The following COL10A1 variants were observed in gnomAD, a reference collection of about 807,000 sequenced individuals.
COL10A1 encodes the protein collagen alpha-1(X) chain.
A neutral mutation model predicts 18.2 loss-of-function variants in COL10A1; 10 were observed. The ratio of observed to expected loss-of-function variants is 0.55; its 90% CI spans 0.34 to 0.93. COL10A1 has a LOEUF of 0.93. Ranked by LOEUF, COL10A1 falls within the 40% of genes least tolerant of loss-of-function variation. The pLI is 0.02. For synonymous variants in COL10A1, 330 were observed against 316.6 expected, an observed-to-expected ratio of 1.04 and a Z score of -0.45; for missense variants, 897 against 853.5, an observed-to-expected ratio of 1.05 and a Z score of -0.64.
At chr6:116,215,978 AT>A in the COL10A1 span, among the ~76,000 whole-genome samples, 1 of 152,088 alleles carries the variant, frequency 6.6e-6, no homozygotes, top group African/African-American at 2.4e-5. Flanking sequence ...TGTTCGAATA[AT>A]TTTTCTTTCA....
intron 1 of COL10A1, among the ~76,000 whole-genome samples, chr6:116,135,656 A>G (rs1282773589): frequency 6.6e-6 from 1 of 151,406 alleles, no homozygotes; most frequent in Non-Finnish European, 1.5e-5. Flanking sequence ...TTCAACTAAC[A>G]AACATTTTTT....
chr6:116,126,664 T>G (rs1327965887), upstream of COL10A1, among the ~76,000 whole-genome samples: 2 of 152,214 alleles, frequency 1.3e-5, no homozygotes, highest in Non-Finnish European at 2.9e-5. Context: ...TTTAGATCCC[T>G]TATTCACAAC....
At chr6:116,194,246 A>G in the COL10A1 span, among the ~76,000 whole-genome samples, 3 of 152,120 alleles carry the variant, frequency 2.0e-5, no homozygotes, top group African/African-American at 7.2e-5. Flanking sequence ...ATGTTCTTTC[A>G]AATGACGGAG....
At chr6:116,180,816 G>A in the COL10A1 span, among the ~76,000 whole-genome samples, 1 of 152,150 alleles carries the variant, frequency 6.6e-6, no homozygotes, top group East Asian at 1.9e-4. Flanking sequence ...AGAACTGTAG[G>A]TTAGAGGACA....
At chr6:116,140,943 T>G (rs1008630350) in intron 1 of COL10A1, among the ~76,000 whole-genome samples, 1 of 152,170 alleles carries the variant, frequency 6.6e-6, no homozygotes, top group African/African-American at 2.4e-5. Flanking sequence ...GTTTCCTGGC[T>G]GCATGCAAAA....
the COL10A1 span, among the ~76,000 whole-genome samples, chr6:116,208,505 T>C: frequency 1.3e-5 from 2 of 152,084 alleles, no homozygotes; most frequent in African/African-American, 4.8e-5. Flanking sequence ...AACATTCCTA[T>C]TTCTTGCACA....
At chr6:116,172,985 T>C in the COL10A1 span, among the ~76,000 whole-genome samples, 1 of 152,186 alleles carries the variant, frequency 6.6e-6, no homozygotes, top group South Asian at 2.1e-4. Flanking sequence ...GATATCTTAA[T>C]TTTTTTACAT....
the COL10A1 span, among the ~76,000 whole-genome samples, chr6:116,184,890 T>C: frequency 2.6e-5 from 4 of 152,168 alleles, no homozygotes; most frequent in South Asian, 8.3e-4. Context: ...TTTGCTCTGA[T>C]CTTGATTATT....
the COL10A1 span, among the ~76,000 whole-genome samples, chr6:116,178,100 C>A: frequency 9.7e-6 from 1 of 102,962 alleles, no homozygotes. Context: ...CGCGCGCGCG[C>A]GCGTGCGTGC....
At chr6:116,137,664 A>G (rs1779645183) in intron 1 of COL10A1, 1 of 183,328 alleles carries the variant, frequency 5.5e-6, no homozygotes, top group Non-Finnish European at 1.2e-5. Context: ...AGCCATCAAC[A>G]GACACTTAGA....
upstream of COL10A1, among the ~76,000 whole-genome samples, chr6:116,161,150 A>G (rs369436507): frequency 2.2e-5 from 3 of 137,840 alleles, no homozygotes; most frequent in Admixed American, 1.7e-4. Context: ...ATGAGAACAC[A>G]TGGACACAGG....
chr6:116,176,300 A>G, the COL10A1 span, among the ~76,000 whole-genome samples: 2 of 152,112 alleles, frequency 1.3e-5, no homozygotes, highest in Non-Finnish European at 2.9e-5. Flanking sequence ...GTATAGCACC[A>G]CACTCTTGCT....
intron 1 of COL10A1, among the ~76,000 whole-genome samples, chr6:116,144,437 G>T (rs1779845095): frequency 6.8e-6 from 1 of 147,542 alleles, no homozygotes; most frequent in Non-Finnish European, 1.5e-5. Flanking sequence ...GGAGGCAGAG[G>T]TTGCAGTGAG....
the COL10A1 span, among the ~76,000 whole-genome samples, chr6:116,180,469 T>G: frequency 2.6e-5 from 4 of 152,110 alleles, no homozygotes; most frequent in African/African-American, 9.7e-5. Flanking sequence ...CATTAATGAC[T>G]GCTAAAACTG....
intron 1 of COL10A1, among the ~76,000 whole-genome samples, chr6:116,138,197 G>A (rs1266995420): frequency 2.6e-5 from 4 of 152,238 alleles, no homozygotes; most frequent in East Asian, 1.9e-4. Context: ...TAGCAGCCCC[G>A]TGAAGTAGGT....
intron 1 of COL10A1, among the ~76,000 whole-genome samples, chr6:116,153,476 A>G (rs942757891): frequency 6.6e-6 from 1 of 152,156 alleles, no homozygotes; most frequent in African/African-American, 2.4e-5. Context: ...ATAATAGAAG[A>G]TAATATGCCA....
intron 2 of COL10A1, among the ~76,000 whole-genome samples, chr6:116,122,346 A>G (rs1256705959): frequency 6.6e-6 from 1 of 152,192 alleles, no homozygotes; most frequent in Non-Finnish European, 1.5e-5. Flanking sequence ...AAGAACTATA[A>G]AAATTTTCCC....
At chr6:116,130,788 C>T (rs1433358119), upstream of COL10A1, among the ~76,000 whole-genome samples, 1 of 152,052 alleles carries the variant, frequency 6.6e-6, no homozygotes, top group Non-Finnish European at 1.5e-5. Flanking sequence ...AACCCTAGTA[C>T]TCATGCCAGT....
chr6:116,142,995 A>G (rs1779802870), intron 1 of COL10A1, among the ~76,000 whole-genome samples: 1 of 152,166 alleles, frequency 6.6e-6, no homozygotes, highest in South Asian at 2.1e-4. Flanking sequence ...AATTATAGAC[A>G]TTATGGTTTG....
Sources: gnomAD v4.1 joint callset for allele counts (sites outside exome capture counted in the v4.1 genomes callset) on GRCh38, gnomAD v4.1.1 for gene constraint, MANE v1.5 for transcripts, NCBI Gene and HGNC (gene_info 2026-07-23, HGNC 2026-07-21) for gene names.